Variants in EXOC2 observed in about 807,000 individuals in gnomAD.
The protein encoded by EXOC2 is SEC5-like 1.
EXOC2 carries 70 observed loss-of-function variants against 131.8 expected under a neutral mutation model. That is an observed-to-expected ratio of 0.53 (90% CI 0.44 to 0.65). The LOEUF is 0.65. EXOC2 is among the 30% of genes least tolerant of loss of function. The pLI, the probability that EXOC2 is intolerant of heterozygous loss-of-function variation, is 0.00. For synonymous variants in EXOC2, 411 were observed against 398.4 expected (o/e 1.03, Z -0.38); for missense variants, 923 against 1,108.6 (o/e 0.83, Z 2.38).
chr6:641,542 G>A (rs1279395504), intron 1 of EXOC2, among the ~76,000 whole-genome samples: 2 of 152,096 alleles, frequency 1.3e-5, no homozygotes, highest in African/African-American at 2.4e-5. Flanking sequence ...AGTCCAACAC[G>A]ACTTAATCAA....
chr6:684,276 G>C (rs1269845065), intron 1 of EXOC2, among the ~76,000 whole-genome samples: 1 of 152,152 alleles, frequency 6.6e-6, no homozygotes, highest in African/African-American at 2.4e-5. Flanking sequence ...TTTAGAGAAG[G>C]GGGAGGGGTG....
rs1182933737 is a variant in EXOC2 at position 651,811 on chromosome 6, A to C, written c.-43-13950T>G. On this transcript the variant is annotated intron_variant, in intron 1 of 27. Transcript: ENST00000230449. ...AGTGGCTCACGCCTGTAACCCCAGC[A>C]CTTTGGGAGGCCGAGGCGGGCAGAT... Among the ~76,000 whole-genome samples, 9 of 152,116 alleles carry C rather than the reference A, an allele frequency of 5.9e-5. No individual in the cohort carries two copies. The East Asian group carries it at 1.7e-3, about 29-fold the overall frequency.
intron 24 of EXOC2, among the ~76,000 whole-genome samples, chr6:497,989 TTTTA>T (rs1277696084): frequency 6.6e-6 from 1 of 152,228 alleles, no homozygotes; most frequent in Non-Finnish European, 1.5e-5. Context: ...ATGTATTTCA[TTTTA>T]TTTGACTTAC....
chr6:671,512 T>C (rs1320711646), intron 1 of EXOC2, among the ~76,000 whole-genome samples: 1 of 152,218 alleles, frequency 6.6e-6, no homozygotes, highest in East Asian at 1.9e-4. Flanking sequence ...ACTGCATTTA[T>C]TCCTTCTCTA....
At chr6:617,306 G>A (rs1283856552) in intron 6 of EXOC2, among the ~76,000 whole-genome samples, 3 of 152,230 alleles carry the variant, frequency 2.0e-5, no homozygotes, top group East Asian at 1.9e-4. Flanking sequence ...ATACGTGGGC[G>A]CCTGTGCGAT....
At chr6:503,898 G>C (rs947148261) in intron 23 of EXOC2, among the ~76,000 whole-genome samples, 1 of 152,134 alleles carries the variant, frequency 6.6e-6, no homozygotes, top group African/African-American at 2.4e-5. Flanking sequence ...GTGGGCTCTT[G>C]GGTCCAAGTA....
intron 11 of EXOC2, among the ~76,000 whole-genome samples, chr6:581,905 T>C (rs570382437): frequency 6.6e-6 from 1 of 152,272 alleles, no homozygotes; most frequent in East Asian, 1.9e-4. Flanking sequence ...TGCAGATACA[T>C]TTAACAAATT....
chr6:619,695 T>G (rs1467004600), intron 4 of EXOC2, 152 bp from the exon 5 acceptor site: 1 of 519,908 alleles, frequency 1.9e-6, no homozygotes, highest in East Asian at 2.9e-5. Flanking sequence ...TTTGTATATA[T>G]GTACAAAATA....
rs546934018 is a variant in EXOC2, at chr6:567,865, C to T, written c.1444-2936G>A. 8.5e-5 allele frequency among the ~76,000 whole-genome samples: 13 copies of T among 152,302 alleles called. No homozygotes were observed. The South Asian group carries it at 1.5e-3, about 17-fold the overall frequency. Reference sequence around the variant, plus strand: ...CTGGGTCCCGACATGAGAGTGGCCCCGGGAGGCAGATCTGCCAGGCGTAAC... The same window carrying T: ...CTGGGTCCCGACATGAGAGTGGCCCTGGGAGGCAGATCTGCCAGGCGTAAC... On this transcript the variant is annotated intron_variant, in intron 13 of 27. Transcript: ENST00000230449.
At chr6:597,081 T>A (rs1425164115) in intron 10 of EXOC2, among the ~76,000 whole-genome samples, 2 of 152,222 alleles carry the variant, frequency 1.3e-5, no homozygotes, top group African/African-American at 4.8e-5. Flanking sequence ...TCAAGTCGGT[T>A]GCCCAAAGTT....
chr6:592,728 T>TTAA, intron 10 of EXOC2, 141 bp from the exon 11 acceptor site: 1 of 622,154 alleles, frequency 1.6e-6, no homozygotes, highest in Non-Finnish European at 2.8e-6. Context: ...CTCAATGAAA[T>TTAA]ATATTCAAAT....
chr6:545,172 A>T (rs1027076812), intron 22 of EXOC2, among the ~76,000 whole-genome samples: 5 of 151,850 alleles, frequency 3.3e-5, no homozygotes, highest in African/African-American at 7.2e-5. Context: ...AAAAAAAAAA[A>T]AAAAAACTTC....
At chr6:548,683 G>A (rs1287795567) in intron 22 of EXOC2, among the ~76,000 whole-genome samples, 1 of 152,184 alleles carries the variant, frequency 6.6e-6, no homozygotes, top group African/African-American at 2.4e-5. Context: ...GTGTGCACGC[G>A]TGCATGCACA....
intron 1 of EXOC2, among the ~76,000 whole-genome samples, chr6:661,812 C>T (rs779419241): frequency 1.7e-4 from 26 of 152,260 alleles, no homozygotes; most frequent in African/African-American, 7.2e-5. Flanking sequence ...TCAATGCTAA[C>T]GCTGAAAGTA....
At chr6:537,051 CATT>C (rs1484401237) in intron 22 of EXOC2, among the ~76,000 whole-genome samples, 1 of 152,142 alleles carries the variant, frequency 6.6e-6, no homozygotes, top group Non-Finnish European at 1.5e-5. Flanking sequence ...TGCTTAACAT[CATT>C]GTTAGGGAAA....
chr6:575,420 G>A (rs1447030384), intron 12 of EXOC2, among the ~76,000 whole-genome samples: 1 of 131,022 alleles, frequency 7.6e-6, no homozygotes, highest in Admixed American at 8.8e-5. Context: ...AATGGGAAAT[G>A]GGTTAAAAGA....
intron 25 of EXOC2, 69 bp downstream of exon 25, chr6:497,298 T>C (rs1763797703): frequency 6.9e-7 from 1 of 1,458,756 alleles, no homozygotes; most frequent in Non-Finnish European, 9.5e-7. Flanking sequence ...ATAAGATTGA[T>C]GACTAAAAAC....
At chr6:610,460 C>G (rs1389320445) in intron 6 of EXOC2, among the ~76,000 whole-genome samples, 1 of 152,126 alleles carries the variant, frequency 6.6e-6, no homozygotes, top group Admixed American at 6.5e-5. Flanking sequence ...CTTGAGGCAT[C>G]CTGGGTCTCA....
intron 23 of EXOC2, among the ~76,000 whole-genome samples, chr6:526,147 G>A (rs369417230): frequency 2.6e-5 from 4 of 152,060 alleles, no homozygotes; most frequent in East Asian, 1.9e-4. Flanking sequence ...ACACACACAC[G>A]CACACACACG....
Sources: allele counts gnomAD v4.1 joint callset (sites outside exome capture counted in the v4.1 genomes callset), GRCh38; gene constraint gnomAD v4.1.1; transcripts MANE v1.5; gene names NCBI Gene and HGNC (gene_info 2026-07-23, HGNC 2026-07-21).